The following CNTNAP2 variants were observed in gnomAD, a reference collection of about 807,000 sequenced individuals.
CNTNAP2 encodes contactin-associated protein-like 2.
Under a neutral mutation model 155.2 loss-of-function variants are expected in CNTNAP2, and 98 were observed. The ratio of observed to expected loss-of-function variants is 0.63; its 90% CI spans 0.54 to 0.75. The LOEUF (loss-of-function observed/expected upper bound fraction) is 0.75, where lower values mean the gene tolerates loss of function less well. CNTNAP2 is among the 30% of genes least tolerant of loss of function. The pLI is 0.00. For missense variants in CNTNAP2, 1,727 were observed against 1,688.1 expected (o/e 1.02, Z -0.40); for synonymous variants, 651 against 631.2 (o/e 1.03, Z -0.47).
chr7:148,039,617 A>G (rs1802632110), intron 15 of CNTNAP2, among the ~76,000 whole-genome samples: 1 of 152,180 alleles, frequency 6.6e-6, no homozygotes, highest in African/African-American at 2.4e-5. Flanking sequence ...AGGTTTTCCA[A>G]TCCTCCATCG....
rs372849943 is a variant in CNTNAP2 at position 146,327,195 on chromosome 7, C to A, written c.97+210222C>A. On this transcript the variant is annotated intron_variant, in intron 1 of 23. Transcript: ENST00000361727. ...GAAGATATTTAATATTTATAGGACT[C>A]CATGGTTCCATTTCATTCAGTGGAG... Among the ~76,000 whole-genome samples the A allele has an allele frequency of 3.5e-4, 54 of 152,196 alleles. No individual in the cohort carries two copies. The South Asian group carries it at 0.011, about 30-fold the overall frequency.
At chr7:146,544,774 C>T (rs1798005169) in intron 1 of CNTNAP2, among the ~76,000 whole-genome samples, 1 of 151,590 alleles carries the variant, frequency 6.6e-6, no homozygotes, top group Non-Finnish European at 1.5e-5. Context: ...TCTAGTAGAC[C>T]AATAGTGAAA....
chr7:147,502,890 G>T (rs1798844214), intron 11 of CNTNAP2, among the ~76,000 whole-genome samples: 2 of 152,040 alleles, frequency 1.3e-5, no homozygotes, highest in Admixed American at 6.6e-5. Flanking sequence ...TGGATTTTTG[G>T]ACATTTTGAG....
chr7:147,056,868 TTA>T (rs1799571804), intron 4 of CNTNAP2, among the ~76,000 whole-genome samples: 1 of 152,194 alleles, frequency 6.6e-6, no homozygotes, highest in Non-Finnish European at 1.5e-5. Context: ...CCTCCTGGGC[TTA>T]AGCAATCCTC....
intron 8 of CNTNAP2, among the ~76,000 whole-genome samples, chr7:147,247,973 A>C (rs2116652140): frequency 6.6e-6 from 1 of 152,332 alleles, no homozygotes. Context: ...GATAAAGAGG[A>C]GGCCAGAAAG....
chr7:148,301,394 T>C (rs2116500129), intron 21 of CNTNAP2, among the ~76,000 whole-genome samples: 1 of 150,310 alleles, frequency 6.7e-6, no homozygotes, highest in African/African-American at 2.4e-5. Flanking sequence ...GGCAAGCCAT[T>C]TCCTTCCTCT....
chr7:146,509,039 A>G (rs1272722146), intron 1 of CNTNAP2, among the ~76,000 whole-genome samples: 1 of 152,200 alleles, frequency 6.6e-6, no homozygotes, highest in Non-Finnish European at 1.5e-5. Flanking sequence ...GACAGTGGCC[A>G]GGGAGCCAAA....
intron 12 of CNTNAP2, among the ~76,000 whole-genome samples, chr7:147,612,315 A>G (rs1053600828): frequency 6.6e-6 from 1 of 152,184 alleles, no homozygotes; most frequent in African/African-American, 2.4e-5. Flanking sequence ...TCTTGCTTTC[A>G]TATGGAATAT....
chr7:147,070,900 C>G (rs1051266127), intron 4 of CNTNAP2, among the ~76,000 whole-genome samples: 29 of 152,078 alleles, frequency 1.9e-4, no homozygotes, highest in African/African-American at 5.8e-4. Flanking sequence ...CCTCTGTTTT[C>G]AAAAGAAGCA....
At chr7:146,443,582 C>T (rs1724480) in intron 1 of CNTNAP2, among the ~76,000 whole-genome samples, 5,439 of 152,258 alleles carry the variant, frequency 0.036, 348 homozygotes, top group African/African-American at 0.12. Context: ...ATCTAACAAC[C>T]AGTTTATAAC....
At chr7:148,413,401 A>ATAAATAAATATAT (rs1554432357) in intron 23 of CNTNAP2, among the ~76,000 whole-genome samples, 2 of 45,376 alleles carry the variant, frequency 4.4e-5, no homozygotes, top group African/African-American at 2.5e-4. Flanking sequence ...TCAAAAAAAA[A>ATAAATAAATATAT]ATATATATAT....
intron 15 of CNTNAP2, among the ~76,000 whole-genome samples, chr7:148,078,951 A>G (rs1803546971): frequency 6.6e-6 from 1 of 152,222 alleles, no homozygotes; most frequent in Admixed American, 6.5e-5. Flanking sequence ...CAGTATTTGT[A>G]GAAGGGAAAA....
chr7:147,693,725 T>G (rs1796121972), intron 13 of CNTNAP2, among the ~76,000 whole-genome samples: 1 of 152,056 alleles, frequency 6.6e-6, no homozygotes. Flanking sequence ...CTCAGATAGT[T>G]TTTTTGTTGT....
intron 3 of CNTNAP2, among the ~76,000 whole-genome samples, chr7:146,961,144 C>A (rs1008786549): frequency 6.6e-6 from 1 of 152,290 alleles, no homozygotes; most frequent in African/African-American, 2.4e-5. Flanking sequence ...ATTCATTTTC[C>A]ACTTGACATA....
At chr7:148,312,263 T>C (rs1797609000) in intron 21 of CNTNAP2, among the ~76,000 whole-genome samples, 2 of 152,010 alleles carry the variant, frequency 1.3e-5, no homozygotes, top group Non-Finnish European at 2.9e-5. Flanking sequence ...AGGAAAGGAA[T>C]TGTTGTTTTG....
chr7:146,394,617 C>A (rs1459089434), intron 1 of CNTNAP2, among the ~76,000 whole-genome samples: 1 of 152,066 alleles, frequency 6.6e-6, no homozygotes, highest in Non-Finnish European at 1.5e-5. Context: ...ATAAAGTTTA[C>A]TTGCTATATT....
chr7:146,492,104 C>A (rs1797149148), intron 1 of CNTNAP2, among the ~76,000 whole-genome samples: 1 of 151,824 alleles, frequency 6.6e-6, no homozygotes, highest in East Asian at 2.0e-4. Context: ...TGAGTAAAAA[C>A]AAACAAACAA....
chr7:147,172,384 G>T (rs1294594194), intron 8 of CNTNAP2, among the ~76,000 whole-genome samples: 1 of 151,866 alleles, frequency 6.6e-6, no homozygotes, highest in African/African-American at 2.4e-5. Flanking sequence ...TGATAATTAT[G>T]GAATAATGCA....
intron 1 of CNTNAP2, among the ~76,000 whole-genome samples, chr7:146,390,229 T>G (rs1158781431): frequency 1.3e-5 from 2 of 152,200 alleles, no homozygotes; most frequent in African/African-American, 4.8e-5. Context: ...AATATTACTT[T>G]GTAAATATTT....
Sources: allele counts gnomAD v4.1 joint callset (sites outside exome capture counted in the v4.1 genomes callset), GRCh38; gene constraint gnomAD v4.1.1; transcripts MANE v1.5; gene names NCBI Gene and HGNC (gene_info 2026-07-23, HGNC 2026-07-21).